The following KCNMB2 variants were observed in gnomAD, a reference collection of about 807,000 sequenced individuals.
The protein encoded by KCNMB2 is potassium calcium-activated channel subfamily M regulatory beta subunit 2, also known as calcium-activated potassium channel subunit beta-2.
In KCNMB2, 9 loss-of-function variants were observed where a neutral mutation model predicts 24.5. The observed-to-expected ratio is 0.37, with a 90% CI of 0.22 to 0.64. KCNMB2 has a LOEUF of 0.64. Ranked by LOEUF, KCNMB2 falls within the 30% of genes least tolerant of loss-of-function variation. The pLI, the probability that KCNMB2 is intolerant of heterozygous loss-of-function variation, is 0.63. For synonymous variants in KCNMB2, 109 were observed against 104.4 expected, an observed-to-expected ratio of 1.04 and a Z score of -0.27; for missense variants, 226 against 284.3, an observed-to-expected ratio of 0.79 and a Z score of 1.47.
In KCNMB2 at chr3:178,763,948, C is replaced by CA. The variant is rs1280771757; in HGVS notation, c.-67-43394dup. On this transcript the variant is annotated intron_variant, in intron 1 of 4. Transcript: ENST00000452583. ...TAAATAGAGTGACATATATCAAACT[C>CA]ATTTTAAAGCAGAAAACCACTATAA... Among the ~76,000 whole-genome samples the CA allele has an allele frequency of 2.0e-5, 3 of 152,076 alleles. No homozygotes were observed. The East Asian group carries it at 5.8e-4, about 29-fold the overall frequency.
intron 1 of KCNMB2, among the ~76,000 whole-genome samples, chr3:178,757,353 T>TATATATATATATATATATATCCAAGAGG (rs1560004974): frequency 2.8e-4 from 15 of 54,184 alleles, no homozygotes; most frequent in Non-Finnish European, 4.4e-4. Context: ...CAAGAGGATA[T>TATATATATATATATATATATCCAAGAGG]ATATATATAT....
Position 178,777,163 on chromosome 3 carries a change from C to T in KCNMB2, c.-67-30180C>T, listed in dbSNP as rs1376042895. On this transcript the variant is annotated intron_variant, in intron 1 of 4. Coordinates refer to ENST00000452583, the MANE Select transcript of KCNMB2 (RefSeq NM_181361.3). ...ACAGTAAAGAAATGTTGGCCAGGCA[C>T]GGTGGCTCACGCCTGTAATCCCAGC... Among the ~76,000 whole-genome samples, 6 of 152,190 alleles carry T rather than the reference C, an allele frequency of 3.9e-5. No individual in the cohort carries two copies. The South Asian group carries it at 8.3e-4, about 21-fold the overall frequency.
In KCNMB2 at chr3:178,806,450, T is replaced by C. The variant is rs182116032; in HGVS notation, c.-67-893T>C. On this transcript the variant is annotated intron_variant, in intron 1 of 4. Coordinates refer to ENST00000452583, the MANE Select transcript of KCNMB2 (RefSeq NM_181361.3). ...TCCCATCTCATGCTTATCATTAATA[T>C]TGTGCTTAACCAAACTGAAAGCCAC... 3.9e-3 allele frequency among the ~76,000 whole-genome samples: 595 copies of C among 152,316 alleles called. 5 individuals carry two copies. Among genetic ancestry groups the C allele is most frequent in the Non-Finnish European group, 5.8e-3 (396 of 68,016 alleles).
At chr3:178,658,282 T>C (rs1720411730) in intron 1 of KCNMB2, among the ~76,000 whole-genome samples, 1 of 152,192 alleles carries the variant, frequency 6.6e-6, no homozygotes, top group African/African-American at 2.4e-5. Context: ...ACTTCCAAAG[T>C]ATGCACTTTA....
At chr3:178,739,870 G>T (rs749242738) in intron 1 of KCNMB2, among the ~76,000 whole-genome samples, 18 of 152,058 alleles carry the variant, frequency 1.2e-4, no homozygotes, top group Non-Finnish European at 2.4e-4. Context: ...AGGTCAGTGG[G>T]AACAAACCAA....
intron 4 of KCNMB2, among the ~76,000 whole-genome samples, chr3:178,839,903 A>G (rs940871609): frequency 6.6e-6 from 1 of 152,154 alleles, no homozygotes; most frequent in African/African-American, 2.4e-5. Context: ...TCCTTTATAC[A>G]TTTCAAAACC....
At chr3:178,605,759 T>C (rs1718249014) in intron 1 of KCNMB2, among the ~76,000 whole-genome samples, 1 of 152,210 alleles carries the variant, frequency 6.6e-6, no homozygotes. Context: ...TTCTAGTGCT[T>C]TGTGGAAGAT....
intron 1 of KCNMB2, among the ~76,000 whole-genome samples, chr3:178,610,613 C>A (rs1718447421): frequency 6.6e-6 from 1 of 152,210 alleles, no homozygotes; most frequent in African/African-American, 2.4e-5. Context: ...TATCCTGCAA[C>A]TTTACTGAAT....
At chr3:178,807,299 G>A in intron 1 of KCNMB2, 44 bp from the exon 2 acceptor site, 1 of 782,230 alleles carries the variant, frequency 1.3e-6, no homozygotes, top group Non-Finnish European at 2.2e-6. Context: ...TCAATCCACT[G>A]AGAGCTATTT....
intron 1 of KCNMB2, among the ~76,000 whole-genome samples, chr3:178,571,594 C>T (rs1231857389): frequency 6.6e-6 from 1 of 151,418 alleles, no homozygotes; most frequent in Non-Finnish European, 1.5e-5. Context: ...TATACACGTG[C>T]CATGGTGGTT....
At chr3:178,782,758 G>C (rs1299629848) in intron 1 of KCNMB2, among the ~76,000 whole-genome samples, 1 of 151,240 alleles carries the variant, frequency 6.6e-6, no homozygotes, top group Non-Finnish European at 1.5e-5. Flanking sequence ...TCACTCTGAT[G>C]GTAGTTTCTT....
At chr3:178,683,740 T>C (rs2108322188) in intron 1 of KCNMB2, among the ~76,000 whole-genome samples, 1 of 152,322 alleles carries the variant, frequency 6.6e-6, no homozygotes, top group Non-Finnish European at 1.5e-5. Flanking sequence ...ATGGTTCTGA[T>C]TTTCCAGGCT....
At chr3:178,797,456 T>C (rs182390917) in intron 1 of KCNMB2, among the ~76,000 whole-genome samples, 7 of 152,286 alleles carry the variant, frequency 4.6e-5, no homozygotes, top group African/African-American at 1.7e-4. Flanking sequence ...ATATCCCTGA[T>C]GAATATTGAT....
intron 1 of KCNMB2, among the ~76,000 whole-genome samples, chr3:178,546,011 G>A (rs1006693159): frequency 7.3e-5 from 11 of 151,718 alleles, no homozygotes; most frequent in Admixed American, 7.2e-4. Flanking sequence ...ATAACTCAAG[G>A]TAACTGTTTG....
intron 1 of KCNMB2, among the ~76,000 whole-genome samples, chr3:178,560,627 G>C (rs1716284357): frequency 6.6e-6 from 1 of 152,168 alleles, no homozygotes; most frequent in Non-Finnish European, 1.5e-5. Flanking sequence ...CCTAAATGTA[G>C]CGAGATAATT....
chr3:178,565,459 A>T (rs1471050957), intron 1 of KCNMB2, among the ~76,000 whole-genome samples: 2 of 152,208 alleles, frequency 1.3e-5, no homozygotes, highest in Non-Finnish European at 2.9e-5. Context: ...GAATAGGAAA[A>T]ATTGTCCAAG....
At chr3:178,741,185 T>C (rs1208520588) in intron 1 of KCNMB2, among the ~76,000 whole-genome samples, 1 of 152,192 alleles carries the variant, frequency 6.6e-6, no homozygotes, top group Admixed American at 6.5e-5. Flanking sequence ...ACACCTGTGT[T>C]TGAACATCAC....
chr3:178,563,723 AC>A (rs1716407116), intron 1 of KCNMB2, among the ~76,000 whole-genome samples: 1 of 152,162 alleles, frequency 6.6e-6, no homozygotes, highest in Non-Finnish European at 1.5e-5. Flanking sequence ...AAGTGTGGGT[AC>A]TTTGGAAAGG....
chr3:178,722,731 A>G (rs1722848687), intron 1 of KCNMB2, among the ~76,000 whole-genome samples: 1 of 152,146 alleles, frequency 6.6e-6, no homozygotes, highest in Non-Finnish European at 1.5e-5. Context: ...CGTCTCTACA[A>G]AAAATACAAA....
Sources: gnomAD v4.1 joint callset for allele counts (sites outside exome capture counted in the v4.1 genomes callset) on GRCh38, gnomAD v4.1.1 for gene constraint, MANE v1.5 for transcripts, NCBI Gene and HGNC (gene_info 2026-07-23, HGNC 2026-07-21) for gene names.